Variants in TNFSF4 observed in about 807,000 individuals in gnomAD.
The protein encoded by TNFSF4 is tumor necrosis factor ligand superfamily member 4.
TNFSF4 carries 4 observed loss-of-function variants against 7.3 expected under a neutral mutation model. That is an observed-to-expected ratio of 0.55 (90% CI 0.27 to 1.25). The LOEUF (loss-of-function observed/expected upper bound fraction) is 1.25, where lower values mean the gene tolerates loss of function less well. Among genes scored for constraint, TNFSF4 ranks in the 50% most tolerant of loss-of-function variants. TNFSF4 has a pLI of 0.12. For synonymous variants in TNFSF4, 76 were observed against 83.7 expected (o/e 0.91, Z 0.50); for missense variants, 181 against 208.8 (o/e 0.87, Z 0.82).
At chr1:173,436,238 C>T in the TNFSF4 span, among the ~76,000 whole-genome samples, 2 of 152,146 alleles carry the variant, frequency 1.3e-5, no homozygotes, top group South Asian at 2.1e-4. Context: ...TAACCAGAAG[C>T]GAAGGCAGCC....
chr1:173,227,617 G>T, the TNFSF4 span, among the ~76,000 whole-genome samples: 1 of 152,178 alleles, frequency 6.6e-6, no homozygotes, highest in African/African-American at 2.4e-5. Flanking sequence ...CCCAGCAAAC[G>T]TGAGCCAAAG....
At chr1:173,292,766 G>T in the TNFSF4 span, among the ~76,000 whole-genome samples, 1 of 151,928 alleles carries the variant, frequency 6.6e-6, no homozygotes, top group Admixed American at 6.6e-5. Context: ...TGCCAAAAGG[G>T]TCCTAGAACT....
the TNFSF4 span, among the ~76,000 whole-genome samples, chr1:173,308,526 T>G: frequency 6.6e-6 from 1 of 151,956 alleles, no homozygotes; most frequent in Non-Finnish European, 1.5e-5. Context: ...AATCCTATTT[T>G]TTGTTTCTGA....
chr1:173,287,646 T>C, the TNFSF4 span, among the ~76,000 whole-genome samples: 7 of 152,128 alleles, frequency 4.6e-5, no homozygotes, highest in Non-Finnish European at 1.0e-4. Flanking sequence ...AAGTTATTTA[T>C]TATACCCCTA....
rs192952261 is a variant in TNFSF4, at chr1:173,187,059, A to G, written c.203-194T>C. ...GAGTAAGACTCTGTCTCAAACAAAA[A>G]AAAAAAAGAAAAAGGAGTAAAAGCA... On this transcript the variant is annotated intron_variant, in intron 2 of 2. Transcript: ENST00000281834. Among the ~76,000 whole-genome samples, 794 of 152,154 alleles carry G rather than the reference A, an allele frequency of 5.2e-3. 15 individuals are homozygous for G. Among genetic ancestry groups the G allele is most frequent in the Admixed American group, 0.045 (689 of 15,278 alleles).
chr1:173,216,396 CT>C, the TNFSF4 span, among the ~76,000 whole-genome samples: 1 of 152,156 alleles, frequency 6.6e-6, no homozygotes, highest in African/African-American at 2.4e-5. Flanking sequence ...TCAAGAGAAT[CT>C]TTTTTTCTGC....
chr1:173,375,596 CTG>C, the TNFSF4 span, among the ~76,000 whole-genome samples: 1 of 152,004 alleles, frequency 6.6e-6, no homozygotes, highest in Admixed American at 6.5e-5. Context: ...AATCAGCACT[CTG>C]TAAAATGCAC....
the TNFSF4 span, among the ~76,000 whole-genome samples, chr1:173,257,583 A>C: frequency 9.2e-5 from 14 of 152,212 alleles, no homozygotes; most frequent in African/African-American, 3.4e-4. Context: ...TCACAAAAGC[A>C]CTATATTTAT....
chr1:173,276,390 CA>C, the TNFSF4 span, among the ~76,000 whole-genome samples: 1 of 152,154 alleles, frequency 6.6e-6, no homozygotes, highest in African/African-American at 2.4e-5. Flanking sequence ...AGAGTGTACA[CA>C]GTTGTTCCCA....
the TNFSF4 span, among the ~76,000 whole-genome samples, chr1:173,347,089 G>C: frequency 6.6e-6 from 1 of 152,174 alleles, no homozygotes; most frequent in Non-Finnish European, 1.5e-5. Flanking sequence ...CTTGTGACTG[G>C]AAGTAGGTTA....
chr1:173,390,749 T>C, the TNFSF4 span, among the ~76,000 whole-genome samples: 386 of 19,742 alleles, frequency 0.02, 2 homozygotes, highest in African/African-American at 0.049. Flanking sequence ...TTTTTTTTTT[T>C]CTTTTTTTTT....
chr1:173,225,114 C>T, the TNFSF4 span, among the ~76,000 whole-genome samples: 4 of 152,140 alleles, frequency 2.6e-5, no homozygotes, highest in Admixed American at 2.6e-4. Flanking sequence ...CCCTTGTTAT[C>T]CACAGCAACC....
chr1:173,244,599 G>A, the TNFSF4 span, among the ~76,000 whole-genome samples: 2 of 138,838 alleles, frequency 1.4e-5, no homozygotes, highest in East Asian at 4.1e-4. Flanking sequence ...CCGAGATCCC[G>A]CCACTGCACT....
chr1:173,399,776 C>T, the TNFSF4 span, among the ~76,000 whole-genome samples: 1 of 152,182 alleles, frequency 6.6e-6, no homozygotes, highest in African/African-American at 2.4e-5. Context: ...GGCTCATAAA[C>T]AAGGTGGCCA....
the TNFSF4 span, among the ~76,000 whole-genome samples, chr1:173,442,873 C>T: frequency 1.1e-4 from 16 of 151,774 alleles, no homozygotes; most frequent in African/African-American, 3.4e-4. Flanking sequence ...TTAGTAGAGA[C>T]GGAGTTTCAC....
At chr1:173,310,950 G>A in the TNFSF4 span, among the ~76,000 whole-genome samples, 1 of 151,708 alleles carries the variant, frequency 6.6e-6, no homozygotes, top group Non-Finnish European at 1.5e-5. Context: ...TGTTTACATG[G>A]TAGATATTTA....
the TNFSF4 span, among the ~76,000 whole-genome samples, chr1:173,441,457 C>T: frequency 2.0e-5 from 3 of 151,912 alleles, no homozygotes; most frequent in African/African-American, 7.3e-5. Flanking sequence ...ATCCCATCTC[C>T]ACTAAAAATA....
chr1:173,274,492 C>T, the TNFSF4 span, among the ~76,000 whole-genome samples: 1 of 152,048 alleles, frequency 6.6e-6, no homozygotes, highest in Non-Finnish European at 1.5e-5. Context: ...GTAGTAACCA[C>T]GGTAAGCAGA....
the TNFSF4 span, among the ~76,000 whole-genome samples, chr1:173,435,610 T>G: frequency 8.9e-4 from 135 of 152,316 alleles, 2 homozygotes; most frequent in East Asian, 0.025. Flanking sequence ...AAAAATAAAT[T>G]TCTATTTCTG....
Sources: gnomAD v4.1 joint callset for allele counts (sites outside exome capture counted in the v4.1 genomes callset) on GRCh38, gnomAD v4.1.1 for gene constraint, MANE v1.5 for transcripts, NCBI Gene and HGNC (gene_info 2026-07-23, HGNC 2026-07-21) for gene names.